Variants in DAAM2 observed in about 807,000 individuals in gnomAD.
The protein encoded by DAAM2 is disheveled-associated activator of morphogenesis 2.
In DAAM2, 39 loss-of-function variants were observed where a neutral mutation model predicts 120.7. The observed-to-expected ratio is 0.32, with a 90% confidence interval of 0.25 to 0.42. The LOEUF (loss-of-function observed/expected upper bound fraction) is 0.42. DAAM2 is among the 10% of genes least tolerant of loss of function. DAAM2 has a pLI of 1.00. For missense variants in DAAM2, 1,283 were observed against 1,401.7 expected, an observed-to-expected ratio of 0.92 and a Z score of 1.35; for synonymous variants, 488 against 524.9, an observed-to-expected ratio of 0.93 and a Z score of 0.96.
At chr6:39,896,237 C>G (rs1158725253) in intron 19 of DAAM2, among the ~76,000 whole-genome samples, 1 of 151,142 alleles carries the variant, frequency 6.6e-6, no homozygotes, top group Non-Finnish European at 1.5e-5. Flanking sequence ...GAGTCTCATG[C>G]TCTTGCCCAG....
In DAAM2 at chr6:39,879,365, G is replaced by T. The variant is rs372627478; in HGVS notation, c.1733G>T (p.Gly578Val). The change falls in exon 14 of 25, where the codon GGC becomes GTC. Residue 578 changes from glycine (G) to valine (V), a missense_variant. By Grantham distance (109) the Gly-to-Val change is moderately radical. Transcript: ENST00000274867. ...PPGAPPCLGM[G>V]LPLPQDPYPS... The stretch of plus-strand genomic sequence containing the variant: ...GGTGCCCCACCTTGCCTCGGCATGG[G>T]CCTGCCCCTCCCTCAGGACCCCTAC... The T allele has an allele frequency of 1.2e-6, 2 of 1,613,052 alleles. No homozygotes were observed. The highest frequency in any genetic ancestry group is 2.7e-5 in the African/African-American group (2 of 74,842).
At chr6:39,886,336 G>A (rs558323178) in intron 15 of DAAM2, 2 of 398,734 alleles carry the variant, frequency 5.0e-6, no homozygotes, top group East Asian at 7.1e-5. Context: ...GGATCCCTGT[G>A]TCTGTCATGC....
At chr6:39,814,247 C>T (rs1762246892) in intron 1 of DAAM2, among the ~76,000 whole-genome samples, 1 of 150,864 alleles carries the variant, frequency 6.6e-6, no homozygotes, top group Non-Finnish European at 1.5e-5. Context: ...TATGTGTGGC[C>T]CAAGACAATT....
rs1271009561 is a variant in DAAM2, at chr6:39,901,773, C to G, written c.2983-40C>G. ...GGGGGCTGCCCTGGCCTCAGCGCCT[C>G]TCCCTGAGAGGGTTCCTATCTTTGG... On this transcript the variant is annotated intron_variant, in intron 24 of 24. Transcript: ENST00000274867. The surrounding 1 kb of genome is among the most constrained non-coding windows in gnomAD (Gnocchi z 4.5). 6 of 1,480,326 alleles carry G rather than the reference C, an allele frequency of 4.1e-6. No individual in the cohort carries two copies. The South Asian group carries it at 8.3e-5, about 21-fold the overall frequency. The allele number at this position is 1,480,326 out of a possible 1,614,324, so 91.7% of individuals were successfully genotyped here.
At position 39,870,441 on chromosome 6, in the gene DAAM2, C is replaced by A. The variant is rs1582707090; in HGVS notation, c.975C>A (p.Asp325Glu). The A allele has an allele frequency of 6.4e-7, 1 of 1,560,932 alleles. No homozygotes were observed. Residue 325 changes from aspartate (D) to glutamate (E), a missense_variant and splice_region_variant, in exon 8 of 25, where the codon GAC becomes GAA. Asp to Glu is a conservative substitution (Grantham distance 45, BLOSUM62 2). Coordinates refer to ENST00000274867, the MANE Select transcript of DAAM2 (RefSeq NM_001201427.2). ...GGCAACATGAAAATGCCATCCTGGA[C>A]AAGTAAGTTCCAAGCACCCGTCTCC... Reference protein sequence around the residue: ...KLRQHENAILDKHLDFFEMVR... With the variant: ...KLRQHENAILEKHLDFFEMVR...
rs1339187244 is a variant in DAAM2 at position 39,870,393 on chromosome 6, A to G, written c.927A>G (p.Ile309Met). The G allele has an allele frequency of 3.8e-6, 6 of 1,588,060 alleles. No individual in the cohort carries two copies. Among genetic ancestry groups the G allele is most frequent in the East Asian group, 2.3e-5 (1 of 43,964 alleles). The stretch of plus-strand genomic sequence containing the variant: ...GGTATGAATTCCTGATGCTGGGTAT[A>G]CAGCCTGTGATTGACAAGCTCCGGC... ...HLRYEFLMLG[I>M]QPVIDKLRQH... Residue 309 changes from isoleucine to methionine, a missense_variant, in exon 8 of 25, where the codon ATA becomes ATG. Physicochemically the swap from Ile to Met is conservative, Grantham distance 10. Around this residue, in one of 3 missense-constraint regions of DAAM2, gnomAD observed 338 missense variants for 443.9 expected, o/e 0.76. Coordinates refer to ENST00000274867, the MANE Select transcript of DAAM2 (RefSeq NM_001201427.2).
intron 1 of DAAM2, among the ~76,000 whole-genome samples, chr6:39,852,333 TCTC>T (rs1562026903): frequency 2.0e-5 from 3 of 152,274 alleles, no homozygotes; most frequent in South Asian, 2.1e-4. Flanking sequence ...CACTTCACCT[TCTC>T]CTCTCCCTGT....
At chr6:39,804,853 T>G (rs1452488375) in intron 1 of DAAM2, among the ~76,000 whole-genome samples, 1 of 152,184 alleles carries the variant, frequency 6.6e-6, no homozygotes, top group Non-Finnish European at 1.5e-5. Flanking sequence ...ATGCTTGTGG[T>G]CACTCAACAA....
At chr6:39,858,959 C>A (rs1463996874) in intron 2 of DAAM2, among the ~76,000 whole-genome samples, 1 of 152,106 alleles carries the variant, frequency 6.6e-6, no homozygotes, top group Non-Finnish European at 1.5e-5. Context: ...CTAAAGAAAC[C>A]AGGGAAGTGA....
In DAAM2 at chr6:39,902,152, G is replaced by C; in HGVS notation, c.*115G>C. ...GTGCTTGGTTTAGAGCCTTGGGCTG[G>C]GTCCTGGGATGGGGGGCTGTGTGTG... On this transcript the variant is annotated 3_prime_UTR_variant, in exon 25 of 25. Transcript: ENST00000274867. The C allele has an allele frequency of 2.2e-6, 2 of 906,422 alleles. No individual in the cohort carries two copies. The highest frequency in any genetic ancestry group is 3.4e-5 in the African/African-American group (2 of 58,944). 56.1% of individuals were successfully genotyped at this position (906,422 alleles called of 1,614,324 possible).
chr6:39,801,757 G>A (rs931586043), intron 1 of DAAM2, among the ~76,000 whole-genome samples: 6 of 152,152 alleles, frequency 3.9e-5, no homozygotes, highest in African/African-American at 9.7e-5. Flanking sequence ...TGCTTGATCC[G>A]CCAGACTCCG....
At chr6:39,843,545 G>A (rs1257485101) in intron 1 of DAAM2, among the ~76,000 whole-genome samples, 1 of 152,234 alleles carries the variant, frequency 6.6e-6, no homozygotes, top group African/African-American at 2.4e-5. Context: ...AAGATGGGCA[G>A]GGCCAGCTGC....
Position 39,891,714 on chromosome 6 carries a change from A to G in DAAM2, c.2333A>G (p.Lys778Arg), listed in dbSNP as rs910833013. The change falls in exon 19 of 25, where the codon AAA becomes AGA. Residue 778 changes from lysine (K) to arginine (R), a missense_variant. Physicochemically the swap from Lys to Arg is conservative, Grantham distance 26. This residue lies in a region of DAAM2 where 748 missense variants were observed against 768.6 expected (regional missense o/e 0.97). Transcript: ENST00000274867. ...GAGCGGCTGGCTGAGGCAAAGCCCA[A>G]AGTGGAAGGTAGGGCTGAGGGTTGC... ...FQERLAEAKP[K>R]VEAILLASRE... 1 of 1,601,960 alleles carries G rather than the reference A, an allele frequency of 6.2e-7. No individual in the cohort carries two copies. The highest frequency in any genetic ancestry group is 1.7e-5 in the Admixed American group (1 of 58,444).
chr6:39,878,316 G>A lies in DAAM2; in HGVS notation c.1360+55G>A. On this transcript the variant is annotated intron_variant, in intron 12 of 24. Transcript: ENST00000274867. The surrounding 1 kb of genome is among the most constrained non-coding windows in gnomAD (Gnocchi z 5.0). The stretch of plus-strand genomic sequence containing the variant: ...ACTCCACATGCCCTTCCCCTGCCCA[G>A]CCCATAACTCCATGCCCTTCCAGGC... 1 of 1,611,992 alleles carries A rather than the reference G, an allele frequency of 6.2e-7. No homozygotes were observed. The highest frequency in any genetic ancestry group is 1.3e-5 in the African/African-American group (1 of 75,016).
chr6:39,851,132 C>T (rs1763792622), intron 1 of DAAM2, among the ~76,000 whole-genome samples: 1 of 152,086 alleles, frequency 6.6e-6, no homozygotes, highest in Admixed American at 6.5e-5. Context: ...AACACCTGGC[C>T]CAGCTCACAG....
chr6:39,890,991 C>A (rs113236495), intron 17 of DAAM2, among the ~76,000 whole-genome samples: 1 of 151,572 alleles, frequency 6.6e-6, no homozygotes, highest in Non-Finnish European at 1.5e-5. Flanking sequence ...CTACTCAGGA[C>A]CTGAGGTGGG....
chr6:39,888,498 A>G, intron 16 of DAAM2, 181 bp from the exon 17 acceptor site: 1 of 493,988 alleles, frequency 2.0e-6, no homozygotes, highest in East Asian at 3.0e-5. Flanking sequence ...AATGCTCATT[A>G]TCAAGTTTGT....
intron 1 of DAAM2, among the ~76,000 whole-genome samples, chr6:39,825,552 C>T (rs114490765): frequency 0.014 from 2,156 of 152,094 alleles, 56 homozygotes; most frequent in African/African-American, 0.047. Flanking sequence ...CTGAGCCTGG[C>T]TGTGCATTCA....
In DAAM2 at chr6:39,899,998, C is replaced by G. The variant is rs971565150; in HGVS notation, c.2680-79C>G. On this transcript the variant is annotated intron_variant, in intron 22 of 24. Transcript: ENST00000274867. ...AAAGGGCTCAATGTCCTGTGAGTGA[C>G]GAGGGGAGATGTGGTGACCCCTGCA... is the stretch of plus-strand genomic sequence containing the variant. 17 of 1,461,810 alleles carry G rather than the reference C, an allele frequency of 1.2e-5. No individual in the cohort carries two copies. In the African/African-American group the frequency reaches 1.8e-4, roughly 16 times the overall value. The allele number at this position is 1,461,810 out of a possible 1,614,324, so 90.6% of individuals were successfully genotyped here.
Sources: gnomAD v4.1 joint callset for allele counts (sites outside exome capture counted in the v4.1 genomes callset) on GRCh38, gnomAD v4.1.1 for gene constraint, gnomAD v4.1.1 regional missense constraint, Gnocchi (gnomAD v3.1) non-coding constraint, MANE v1.5 for transcripts, NCBI Gene and HGNC (gene_info 2026-07-23, HGNC 2026-07-21) for gene names.